Variants in CDH18 observed in about 807,000 individuals in gnomAD.
CDH18 encodes the protein cadherin-18.
A neutral mutation model predicts 67.9 loss-of-function variants in CDH18; 31 were observed. The ratio of observed to expected loss-of-function variants is 0.46; its 90% CI spans 0.34 to 0.62. The LOEUF is 0.62. CDH18 is among the 20% of genes least tolerant of loss of function. The pLI is 0.01. For synonymous variants in CDH18, 362 were observed against 347.2 expected (o/e 1.04, Z -0.48); for missense variants, 890 against 975.5 (o/e 0.91, Z 1.17).
chr5:20,057,315 C>T (rs1742079751), intron 2 of CDH18, among the ~76,000 whole-genome samples: 2 of 152,076 alleles, frequency 1.3e-5, no homozygotes, highest in Admixed American at 1.3e-4. Flanking sequence ...TGAAAATATT[C>T]ATATCCTGAA....
intron 1 of CDH18, among the ~76,000 whole-genome samples, chr5:20,283,573 T>C (rs1416081461): frequency 6.6e-6 from 1 of 151,966 alleles, no homozygotes; most frequent in African/African-American, 2.4e-5. Context: ...CCTGTTTAAA[T>C]GGCTTTTATC....
At chr5:20,208,383 CAT>C (rs1244112608) in intron 2 of CDH18, among the ~76,000 whole-genome samples, 7 of 152,180 alleles carry the variant, frequency 4.6e-5, no homozygotes, top group Admixed American at 1.3e-4. Context: ...GGATCACAAA[CAT>C]GTGGGGATTA....
chr5:19,762,332 C>T (rs1423104922), intron 3 of CDH18, among the ~76,000 whole-genome samples: 2 of 152,056 alleles, frequency 1.3e-5, no homozygotes, highest in Non-Finnish European at 2.9e-5. Flanking sequence ...AAAATTTTTG[C>T]AATCTCCTCA....
At chr5:20,574,393 T>C (rs1457947121) in intron 1 of CDH18, among the ~76,000 whole-genome samples, 1 of 151,914 alleles carries the variant, frequency 6.6e-6, no homozygotes. Flanking sequence ...CAGATGGCAG[T>C]TTGTTCTTTG....
intron 3 of CDH18, among the ~76,000 whole-genome samples, chr5:19,805,464 T>G (rs1387418216): frequency 6.6e-6 from 1 of 152,160 alleles, no homozygotes; most frequent in Non-Finnish European, 1.5e-5. Context: ...AAGATATCCA[T>G]ATGTGTTTTC....
At chr5:19,756,989 C>T (rs1353737737) in intron 3 of CDH18, among the ~76,000 whole-genome samples, 1 of 152,144 alleles carries the variant, frequency 6.6e-6, no homozygotes, top group Non-Finnish European at 1.5e-5. Context: ...AGTATTGTTA[C>T]CTAGTTGGTG....
chr5:20,304,714 G>T (rs1736268174), intron 1 of CDH18: 2 of 1,611,434 alleles, frequency 1.2e-6, no homozygotes, highest in Non-Finnish European at 1.7e-6. Context: ...CTTGTCAGGT[G>T]TATCTTCAGT....
intron 1 of CDH18, among the ~76,000 whole-genome samples, chr5:20,489,899 G>A (rs1334352701): frequency 1.3e-5 from 2 of 151,420 alleles, no homozygotes; most frequent in African/African-American, 4.8e-5. Flanking sequence ...TAATATTCAT[G>A]TTCTTATCTA....
At chr5:20,430,137 C>T (rs966946626) in intron 1 of CDH18, among the ~76,000 whole-genome samples, 2 of 152,154 alleles carry the variant, frequency 1.3e-5, no homozygotes, top group Non-Finnish European at 2.9e-5. Flanking sequence ...AGAATACATT[C>T]ACTACATTGG....
intron 10 of CDH18, among the ~76,000 whole-genome samples, chr5:19,512,033 C>A (rs1204840292): frequency 6.6e-6 from 1 of 152,102 alleles, no homozygotes; most frequent in Non-Finnish European, 1.5e-5. Flanking sequence ...CTGCTTTGTG[C>A]AGGACTTGGT....
chr5:19,840,633 T>C (rs926690141), intron 2 of CDH18, among the ~76,000 whole-genome samples: 1 of 151,682 alleles, frequency 6.6e-6, no homozygotes, highest in African/African-American at 2.4e-5. Context: ...ACCCAGGAGA[T>C]GGGTGTTGCA....
At chr5:20,430,562 C>T (rs1748659783) in intron 1 of CDH18, among the ~76,000 whole-genome samples, 1 of 152,110 alleles carries the variant, frequency 6.6e-6, no homozygotes, top group Non-Finnish European at 1.5e-5. Flanking sequence ...AAAATGTCTC[C>T]CTATAACCCA....
intron 2 of CDH18, among the ~76,000 whole-genome samples, chr5:19,922,804 C>T (rs1400935978): frequency 6.6e-6 from 1 of 152,030 alleles, no homozygotes; most frequent in Non-Finnish European, 1.5e-5. Flanking sequence ...AAGAATTGAA[C>T]AAGAAAAATC....
chr5:19,718,183 A>G (rs1765572071), intron 5 of CDH18, among the ~76,000 whole-genome samples: 1 of 152,026 alleles, frequency 6.6e-6, no homozygotes, highest in South Asian at 2.1e-4. Flanking sequence ...AATAAAATGC[A>G]TCTTTCATGG....
intron 7 of CDH18, among the ~76,000 whole-genome samples, chr5:19,589,987 A>C (rs1744827305): frequency 6.6e-6 from 1 of 152,122 alleles, no homozygotes; most frequent in Admixed American, 6.6e-5. Flanking sequence ...TCTTCATAGT[A>C]AACATATTAT....
intron 10 of CDH18, among the ~76,000 whole-genome samples, chr5:19,514,103 T>G (rs1291491798): frequency 6.6e-6 from 1 of 152,214 alleles, no homozygotes; most frequent in African/African-American, 2.4e-5. Context: ...AGTATTTGGT[T>G]TTCTGTCCTT....
chr5:20,340,941 A>G (rs901752769), intron 1 of CDH18, among the ~76,000 whole-genome samples: 6 of 152,048 alleles, frequency 3.9e-5, no homozygotes, highest in Admixed American at 3.3e-4. Context: ...CTTAGCTCCT[A>G]TGGGACTGAT....
intron 2 of CDH18, among the ~76,000 whole-genome samples, chr5:20,227,711 C>T (rs918495464): frequency 6.6e-6 from 1 of 151,880 alleles, no homozygotes; most frequent in African/African-American, 2.4e-5. Flanking sequence ...GGTCTCTTAA[C>T]TCCTAGGCTC....
intron 11 of CDH18, among the ~76,000 whole-genome samples, chr5:19,497,544 G>A (rs983081783): frequency 1.3e-5 from 2 of 152,136 alleles, no homozygotes; most frequent in Non-Finnish European, 2.9e-5. Flanking sequence ...AATTCAAGAG[G>A]GTTAGAACAT....
Sources: gnomAD v4.1 joint callset for allele counts (sites outside exome capture counted in the v4.1 genomes callset) on GRCh38, gnomAD v4.1.1 for gene constraint, MANE v1.5 for transcripts, NCBI Gene and HGNC (gene_info 2026-07-23, HGNC 2026-07-21) for gene names.